The following HVCN1 variants were observed in gnomAD, a reference collection of about 807,000 sequenced individuals.
HVCN1 encodes voltage-gated hydrogen channel 1.
In HVCN1, 14 loss-of-function variants were observed where a neutral mutation model predicts 29.2. That is an observed-to-expected ratio of 0.48 (90% CI 0.32 to 0.75). HVCN1 has a LOEUF of 0.75. Among genes scored for constraint, HVCN1 ranks in the 30% least tolerant of loss-of-function variants. The pLI is 0.04. For missense variants in HVCN1, 263 were observed against 341.8 expected (o/e 0.77, Z 1.82); for synonymous variants, 131 against 133.2 (o/e 0.98, Z 0.11).
At chr12:110,662,034 T>C (rs2068191590) in intron 3 of HVCN1, among the ~76,000 whole-genome samples, 1 of 152,194 alleles carries the variant, frequency 6.6e-6, no homozygotes, top group Non-Finnish European at 1.5e-5. Context: ...CTACCAGGTA[T>C]CAAATTTACA....
intron 2 of HVCN1, among the ~76,000 whole-genome samples, chr12:110,687,258 C>CA (rs1491153415): frequency 2.5e-4 from 14 of 57,016 alleles, no homozygotes; most frequent in African/African-American, 7.3e-4. Flanking sequence ...ACAGACCACA[C>CA]CCCCCCCCCC....
At chr12:110,668,845 CTT>C (rs1305241288) in intron 3 of HVCN1, among the ~76,000 whole-genome samples, 1 of 152,180 alleles carries the variant, frequency 6.6e-6, no homozygotes. Context: ...GTCCCACACT[CTT>C]TGACGCTGTT....
At chr12:110,675,375 C>T (rs554204389) in intron 3 of HVCN1, among the ~76,000 whole-genome samples, 1 of 152,282 alleles carries the variant, frequency 6.6e-6, no homozygotes, top group African/African-American at 2.4e-5. Context: ...AGGGGAATTG[C>T]TTGAACCTGG....
intron 3 of HVCN1, among the ~76,000 whole-genome samples, chr12:110,662,962 T>C (rs1193168798): frequency 6.6e-6 from 1 of 152,168 alleles, no homozygotes; most frequent in Non-Finnish European, 1.5e-5. Flanking sequence ...AGGCAGGTCA[T>C]GTAAGAGAAA....
chr12:110,669,502 C>T (rs529211246), intron 3 of HVCN1, among the ~76,000 whole-genome samples: 1 of 152,300 alleles, frequency 6.6e-6, no homozygotes, highest in African/African-American at 2.4e-5. Flanking sequence ...CAGCCTCCAG[C>T]CACATGGAAC....
At chr12:110,698,542 C>T (rs1056871262) in intron 2 of HVCN1, among the ~76,000 whole-genome samples, 1 of 152,122 alleles carries the variant, frequency 6.6e-6, no homozygotes, top group Admixed American at 6.6e-5. Flanking sequence ...TGGGAGGACT[C>T]CTGGCTTCTC....
chr12:110,668,984 C>A (rs569524892), intron 3 of HVCN1, among the ~76,000 whole-genome samples: 1 of 152,062 alleles, frequency 6.6e-6, no homozygotes, highest in East Asian at 1.9e-4. Flanking sequence ...TGACCCTGTC[C>A]TTGGGCCGGT....
upstream of HVCN1, among the ~76,000 whole-genome samples, chr12:110,690,678 ATG>A (rs1273605827): frequency 6.6e-6 from 1 of 151,882 alleles, no homozygotes. Context: ...GGGTTTTACC[ATG>A]TGGGTCAGAC....
At chr12:110,657,022 A>G (rs769371892) in intron 4 of HVCN1, among the ~76,000 whole-genome samples, 2 of 152,228 alleles carry the variant, frequency 1.3e-5, no homozygotes, top group East Asian at 1.9e-4. Flanking sequence ...CCCCGCTCCT[A>G]TGAAATCGTC....
intron 3 of HVCN1, among the ~76,000 whole-genome samples, chr12:110,671,705 G>A (rs1010868942): frequency 1.4e-4 from 21 of 152,268 alleles, no homozygotes; most frequent in African/African-American, 3.6e-4. Context: ...GGAGAAAGCC[G>A]ACTTCTTCAG....
At chr12:110,674,711 T>C (rs781120585) in intron 3 of HVCN1, among the ~76,000 whole-genome samples, 5 of 152,182 alleles carry the variant, frequency 3.3e-5, no homozygotes, top group Admixed American at 6.5e-5. Context: ...GCTGCCACCA[T>C]GTAAGTGCTT....
At chr12:110,697,565 C>T (rs369407519) in intron 2 of HVCN1, among the ~76,000 whole-genome samples, 2 of 151,994 alleles carry the variant, frequency 1.3e-5, no homozygotes. Context: ...ACACTGGAGT[C>T]CCCCCAAGAC....
chr12:110,679,837 G>C (rs964629593), intron 3 of HVCN1, among the ~76,000 whole-genome samples: 1 of 151,406 alleles, frequency 6.6e-6, no homozygotes, highest in Non-Finnish European at 1.5e-5. Context: ...TCCGGCCTGG[G>C]CGACAGAGCG....
intron 2 of HVCN1, among the ~76,000 whole-genome samples, chr12:110,696,663 T>C (rs990361857): frequency 6.6e-6 from 1 of 152,190 alleles, no homozygotes; most frequent in Non-Finnish European, 1.5e-5. Flanking sequence ...TTGCCTGCTT[T>C]AAATGGAATA....
chr12:110,682,961 T>C (rs1283940569), intron 3 of HVCN1: 3 of 385,204 alleles, frequency 7.8e-6, no homozygotes, highest in Admixed American at 8.8e-5. Context: ...TGAAACTCCA[T>C]CTCAAAAAAA....
rs933712812 is a variant in HVCN1, at chr12:110,651,237, C to T, written c.623G>A (p.Arg208Gln). 13 of 1,613,568 alleles carry T rather than the reference C, an allele frequency of 8.1e-6. No individual in the cohort carries two copies. Among genetic ancestry groups the T allele is most frequent in the Middle Eastern group, 1.6e-4 (1 of 6,076 alleles). ...LGLLILLRLW[R>Q]VARIINGIII... ...CGTACCATTGATGATCCGGGCCACC[C>T]GCCACAGCCGGAGCAGAATCAGCAG... Residue 208 changes from arginine (R) to glutamine (Q), a missense_variant, in exon 6 of 8, where the codon CGG becomes CAG. Transcript: ENST00000242607.
intron 4 of HVCN1, 27 bp from the exon 5 acceptor site, chr12:110,655,365 A>G: frequency 1.3e-6 from 2 of 1,554,300 alleles, no homozygotes; most frequent in Non-Finnish European, 1.8e-6. Context: ...GGTGCCAGAG[A>G]TCATGAGACC....
At chr12:110,698,643 G>T (rs757082848) in intron 2 of HVCN1, among the ~76,000 whole-genome samples, 1 of 152,192 alleles carries the variant, frequency 6.6e-6, no homozygotes, top group Admixed American at 6.6e-5. Flanking sequence ...TCTGGCCAGG[G>T]GGACCCGAGC....
intron 3 of HVCN1, among the ~76,000 whole-genome samples, chr12:110,678,439 CTTTTTTTT>C (rs538999674): frequency 1.2e-3 from 81 of 65,840 alleles, no homozygotes; most frequent in Admixed American, 1.6e-3. Context: ...CATTCTATTT[CTTTTTTTT>C]TTTTTTTTTT....
Sources: allele counts gnomAD v4.1 joint callset (sites outside exome capture counted in the v4.1 genomes callset), GRCh38; gene constraint gnomAD v4.1.1; transcripts MANE v1.5; gene names NCBI Gene and HGNC (gene_info 2026-07-23, HGNC 2026-07-21).